Variants in SPOCK1 observed in about 807,000 individuals in gnomAD.
SPOCK1 encodes testican-1.
A neutral mutation model predicts 55.3 loss-of-function variants in SPOCK1; 23 were observed. That is an observed-to-expected ratio of 0.42 (90% CI 0.30 to 0.59). The LOEUF (loss-of-function observed/expected upper bound fraction) is 0.59. Among genes scored for constraint, SPOCK1 ranks in the 20% least tolerant of loss-of-function variants. The probability of loss-of-function intolerance (pLI) is 0.22; values close to 1 mark genes in which losing one functional copy is unlikely to be tolerated. For synonymous variants in SPOCK1, 226 were observed against 221.0 expected (o/e 1.02, Z -0.20); for missense variants, 499 against 552.5 (o/e 0.90, Z 0.97).
chr5:137,153,322 A>G (rs899642049), intron 3 of SPOCK1, among the ~76,000 whole-genome samples: 2 of 152,234 alleles, frequency 1.3e-5, no homozygotes, highest in Non-Finnish European at 2.9e-5. Context: ...GAATCCCTGG[A>G]GTATTTCCAG....
intron 2 of SPOCK1, among the ~76,000 whole-genome samples, chr5:137,275,897 C>T (rs980043400): frequency 6.6e-6 from 1 of 152,178 alleles, no homozygotes; most frequent in Non-Finnish European, 1.5e-5. Context: ...TCACAACTCC[C>T]CTCTCCTCTG....
chr5:137,393,011 C>T (rs921618414), intron 2 of SPOCK1, among the ~76,000 whole-genome samples: 1 of 152,196 alleles, frequency 6.6e-6, no homozygotes, highest in Non-Finnish European at 1.5e-5. Context: ...TGGGCAGACC[C>T]AGCCCCAACA....
intron 3 of SPOCK1, among the ~76,000 whole-genome samples, chr5:137,247,649 G>A (rs1756421650): frequency 6.6e-6 from 1 of 152,160 alleles, no homozygotes; most frequent in South Asian, 2.1e-4. Flanking sequence ...CTGAGACTGG[G>A]TAATTTATAA....
At chr5:137,261,794 C>T (rs1756746268) in intron 3 of SPOCK1, among the ~76,000 whole-genome samples, 1 of 152,160 alleles carries the variant, frequency 6.6e-6, no homozygotes, top group Non-Finnish European at 1.5e-5. Flanking sequence ...AGGAAAGTCC[C>T]ATGCTAAATC....
intron 2 of SPOCK1, among the ~76,000 whole-genome samples, chr5:137,376,525 T>A (rs1751321931): frequency 6.6e-6 from 1 of 152,172 alleles, no homozygotes. Flanking sequence ...GCCGTAGAGC[T>A]CCCCAGGGAT....
chr5:137,321,379 C>G (rs1163915805), intron 2 of SPOCK1, among the ~76,000 whole-genome samples: 3 of 152,146 alleles, frequency 2.0e-5, no homozygotes, highest in Non-Finnish European at 4.4e-5. Flanking sequence ...CCAAATAGAT[C>G]TCAATCAGAA....
chr5:137,208,950 T>C (rs574221534), intron 3 of SPOCK1, among the ~76,000 whole-genome samples: 5 of 151,970 alleles, frequency 3.3e-5, no homozygotes, highest in Non-Finnish European at 7.4e-5. Context: ...GAGTTAGCTC[T>C]GTCTGACTGT....
At chr5:136,979,059 G>T (rs1203147118) in intron 10 of SPOCK1, among the ~76,000 whole-genome samples, 2 of 152,080 alleles carry the variant, frequency 1.3e-5, no homozygotes, top group African/African-American at 4.8e-5. Flanking sequence ...TACCTTCCCA[G>T]GAGGTTTACA....
intron 5 of SPOCK1, among the ~76,000 whole-genome samples, chr5:137,105,920 A>G (rs1382747270): frequency 1.3e-5 from 2 of 152,194 alleles, no homozygotes; most frequent in African/African-American, 4.8e-5. Flanking sequence ...GCCGATTACC[A>G]GCAGCCAAGC....
chr5:136,985,070 T>C, intron 9 of SPOCK1, 70 bp downstream of exon 9: 1 of 1,440,208 alleles, frequency 6.9e-7, no homozygotes. Context: ...ACCATTGCCA[T>C]GCTGATCATT....
At chr5:137,146,238 C>A (rs1400083027) in intron 3 of SPOCK1, among the ~76,000 whole-genome samples, 1 of 152,090 alleles carries the variant, frequency 6.6e-6, no homozygotes, top group Non-Finnish European at 1.5e-5. Context: ...CTGCCAGGAA[C>A]CTCCTTCCTC....
chr5:137,169,635 G>A (rs1316292429), intron 3 of SPOCK1, among the ~76,000 whole-genome samples: 3 of 152,064 alleles, frequency 2.0e-5, no homozygotes, highest in African/African-American at 7.2e-5. Context: ...ATACTTTACC[G>A]GTAAACCTCA....
At chr5:137,148,082 C>T (rs1251435610) in intron 3 of SPOCK1, among the ~76,000 whole-genome samples, 1 of 152,308 alleles carries the variant, frequency 6.6e-6, no homozygotes, top group Admixed American at 6.5e-5. Flanking sequence ...CAGACCAGGG[C>T]CCTCAGTTTC....
intron 6 of SPOCK1, among the ~76,000 whole-genome samples, chr5:137,026,327 T>C (rs752137192): frequency 2.6e-5 from 4 of 152,234 alleles, no homozygotes; most frequent in Non-Finnish European, 5.9e-5. Flanking sequence ...TGAAGGTATT[T>C]TTGTAGATGA....
intron 2 of SPOCK1, among the ~76,000 whole-genome samples, chr5:137,463,059 C>T (rs543939332): frequency 5.3e-4 from 80 of 152,158 alleles, no homozygotes; most frequent in Non-Finnish European, 1.0e-3. Flanking sequence ...AACGAGGAGT[C>T]ATCACTGAAG....
chr5:137,312,996 C>T (rs1381861930), intron 2 of SPOCK1, among the ~76,000 whole-genome samples: 1 of 152,214 alleles, frequency 6.6e-6, no homozygotes, highest in South Asian at 2.1e-4. Context: ...AAACATGAAT[C>T]CCAACCAGGA....
intron 2 of SPOCK1, among the ~76,000 whole-genome samples, chr5:137,450,254 T>C (rs1753227593): frequency 6.6e-6 from 1 of 152,208 alleles, no homozygotes; most frequent in Non-Finnish European, 1.5e-5. Context: ...ACACCTGTTC[T>C]AGGGAATTTA....
intron 2 of SPOCK1, among the ~76,000 whole-genome samples, chr5:137,378,689 G>A (rs1441071759): frequency 6.6e-6 from 1 of 152,202 alleles, no homozygotes; most frequent in Non-Finnish European, 1.5e-5. Flanking sequence ...CTTGGTACCA[G>A]GCAAACATGC....
chr5:137,319,951 CAAAAAAAAAAAAA>C (rs55836854), intron 2 of SPOCK1, among the ~76,000 whole-genome samples: 2 of 85,584 alleles, frequency 2.3e-5, no homozygotes, highest in Admixed American at 2.7e-4. Flanking sequence ...GACTCCGTCT[CAAAAAAAAAAAAA>C]AAAAAAAAAC....
Sources: gnomAD v4.1 joint callset for allele counts (sites outside exome capture counted in the v4.1 genomes callset) on GRCh38, gnomAD v4.1.1 for gene constraint, MANE v1.5 for transcripts, NCBI Gene and HGNC (gene_info 2026-07-23, HGNC 2026-07-21) for gene names.